The following ELMO1 variants were observed in gnomAD, a reference collection of about 807,000 sequenced individuals.
The protein encoded by ELMO1 is engulfment and cell motility protein 1.
Under a neutral mutation model 98.9 loss-of-function variants are expected in ELMO1, and 26 were observed. The ratio of observed to expected loss-of-function variants is 0.26; its 90% CI spans 0.19 to 0.36. The LOEUF (loss-of-function observed/expected upper bound fraction) is 0.36, where lower values mean the gene tolerates loss of function less well. ELMO1 is among the 10% of genes least tolerant of loss of function. ELMO1 has a pLI of 1.00. For missense variants in ELMO1, 627 were observed against 935.2 expected, an observed-to-expected ratio of 0.67 and a Z score of 4.30; for synonymous variants, 346 against 346.0, an observed-to-expected ratio of 1.00 and a Z score of 0.00.
At position 36,909,330 on chromosome 7, in the gene ELMO1, T is replaced by C. The variant is rs562342215; in HGVS notation, c.1438-14313A>G. Among the ~76,000 whole-genome samples, 90 of 152,186 alleles carry C rather than the reference T, an allele frequency of 5.9e-4. 1 individual carries two copies. Among genetic ancestry groups the C allele is most frequent in the African/African-American group, 2.1e-3 (88 of 41,534 alleles). Reference sequence around the variant, plus strand: ...CTGTTATTATTGTGATAAAGGAGTCTTGGAATTAGCATGGACATCTGACAG... The same window carrying C: ...CTGTTATTATTGTGATAAAGGAGTCCTGGAATTAGCATGGACATCTGACAG... On this transcript the variant is annotated intron_variant, in intron 16 of 21. Transcript: ENST00000310758.
At chr7:37,152,123 T>G (rs190717689) in intron 13 of ELMO1, among the ~76,000 whole-genome samples, 1 of 152,326 alleles carries the variant, frequency 6.6e-6, no homozygotes, top group African/African-American at 2.4e-5. Context: ...AGTCAAAAAC[T>G]ACTATGTTAA....
chr7:37,086,521 T>C (rs1379580041), intron 15 of ELMO1, among the ~76,000 whole-genome samples: 1 of 151,662 alleles, frequency 6.6e-6, no homozygotes, highest in Non-Finnish European at 1.5e-5. Flanking sequence ...GTCAGGCGGG[T>C]CACTTGAGGT....
intron 13 of ELMO1, among the ~76,000 whole-genome samples, chr7:37,156,419 C>A (rs7795097): frequency 0.085 from 12,886 of 151,976 alleles, 649 homozygotes; most frequent in South Asian, 0.2. Flanking sequence ...ATAGATGGAC[C>A]ACTAGCAAGA....
intron 5 of ELMO1, among the ~76,000 whole-genome samples, chr7:37,262,472 C>T (rs774038448): frequency 6.6e-6 from 1 of 152,186 alleles, no homozygotes; most frequent in Non-Finnish European, 1.5e-5. Context: ...AAAGTTCCTA[C>T]AGAACTATTC....
intron 9 of ELMO1, among the ~76,000 whole-genome samples, chr7:37,223,181 C>T (rs904972108): frequency 6.6e-6 from 1 of 152,018 alleles, no homozygotes; most frequent in Non-Finnish European, 1.5e-5. Context: ...ATTTCAATAA[C>T]AAAAAGAACA....
At chr7:37,045,958 G>A (rs752005823) in intron 15 of ELMO1, among the ~76,000 whole-genome samples, 4 of 152,130 alleles carry the variant, frequency 2.6e-5, no homozygotes, top group Non-Finnish European at 5.9e-5. Context: ...TGCAAATCCC[G>A]TGATTGCTCC....
intron 4 of ELMO1, among the ~76,000 whole-genome samples, chr7:37,307,502 A>G (rs1480185338): frequency 1.3e-5 from 2 of 152,170 alleles, no homozygotes; most frequent in Non-Finnish European, 2.9e-5. Context: ...TCCTTTATAA[A>G]TTACCCAGTC....
At chr7:37,046,817 A>AT (rs1474162999) in intron 15 of ELMO1, among the ~76,000 whole-genome samples, 2 of 152,120 alleles carry the variant, frequency 1.3e-5, no homozygotes, top group Admixed American at 1.3e-4. Flanking sequence ...TCACCTTCTG[A>AT]TTTTTTCTTA....
Position 37,123,791 on chromosome 7 carries a change from G to A in ELMO1, c.1191+9339C>T, listed in dbSNP as rs374119341. Among the ~76,000 whole-genome samples, 7 of 152,284 alleles carry A rather than the reference G, an allele frequency of 4.6e-5. No individual in the cohort carries two copies. The East Asian group carries it at 1.4e-3, about 29-fold the overall frequency. Reference sequence around the variant, plus strand: ...AATCCTCCCTATCTCATTTCATGAGGCCAGCATCATCCTGATACCAAAGCC... The same window carrying A: ...AATCCTCCCTATCTCATTTCATGAGACCAGCATCATCCTGATACCAAAGCC... On this transcript the variant is annotated intron_variant, in intron 14 of 21. Transcript: ENST00000310758.
chr7:37,328,732 T>C (rs2131183772), intron 2 of ELMO1, among the ~76,000 whole-genome samples: 1 of 152,330 alleles, frequency 6.6e-6, no homozygotes, highest in Middle Eastern at 3.4e-3. Context: ...GAACGTTTGA[T>C]ACCAACCAGG....
chr7:36,970,051 C>G (rs916333539), intron 16 of ELMO1, among the ~76,000 whole-genome samples: 1 of 151,942 alleles, frequency 6.6e-6, no homozygotes, highest in African/African-American at 2.4e-5. Flanking sequence ...AAATAAAACT[C>G]TTCTTCTGGA....
chr7:37,039,642 T>C (rs1367680903), intron 15 of ELMO1, among the ~76,000 whole-genome samples: 2 of 152,256 alleles, frequency 1.3e-5, no homozygotes, highest in Admixed American at 6.5e-5. Flanking sequence ...TGTTTCAGTC[T>C]GCACCTTCTC....
intron 14 of ELMO1, among the ~76,000 whole-genome samples, chr7:37,118,074 T>C (rs573247153): frequency 2.6e-5 from 4 of 152,350 alleles, no homozygotes; most frequent in African/African-American, 7.2e-5. Context: ...ATTTGCTTCA[T>C]AGTTAAGTTT....
Position 37,292,193 on chromosome 7 carries a change from G to A in ELMO1, c.193-20311C>T, listed in dbSNP as rs1320822693. Among the ~76,000 whole-genome samples, 5 of 115,376 alleles carry A rather than the reference G, an allele frequency of 4.3e-5. 1 individual carries two copies. Among genetic ancestry groups the A allele is most frequent in the East Asian group, 2.1e-4 (1 of 4,672 alleles). The allele number at this position is 115,376 out of a possible 152,430, so 75.7% of individuals were successfully genotyped here. A position where few individuals can be genotyped will look rare whatever the true frequency, so the allele number is the denominator to read the frequency against. On this transcript the variant is annotated intron_variant, in intron 4 of 21. Coordinates refer to ENST00000310758, the MANE Select transcript of ELMO1 (RefSeq NM_014800.11). ...TCCAGCTCCTAACCGCGAGTGATCC[G>A]CCAGCCTCGGCCTCCCGAGGTGCCG...
chr7:37,282,742 G>T (rs1403444778), intron 4 of ELMO1, among the ~76,000 whole-genome samples: 1 of 152,208 alleles, frequency 6.6e-6, no homozygotes, highest in South Asian at 2.1e-4. Flanking sequence ...TGCAGGGGCT[G>T]CTCACCATCA....
chr7:37,433,157 T>C (rs1015725624), intron 1 of ELMO1, among the ~76,000 whole-genome samples: 4 of 152,176 alleles, frequency 2.6e-5, no homozygotes, highest in African/African-American at 7.2e-5. Flanking sequence ...CATCCCTAAA[T>C]ACAATATCCC....
At position 37,342,638 on chromosome 7, in the gene ELMO1, T is replaced by C. The variant is rs1800778969; in HGVS notation, c.53A>G (p.Tyr18Cys). ...CTGATCAATTTCCATGAGTTTGGGGTAGGCGCCCGGCCATTCTATGGCCAC... is the reference window on the plus strand; with the variant it reads ...CTGATCAATTTCCATGAGTTTGGGGCAGGCGCCCGGCCATTCTATGGCCAC... ...VKVAIEWPGA[Y>C]PKLMEIDQKK... The change falls in exon 2 of 22, where the codon TAC becomes TGC. Residue 18 changes from tyrosine to cysteine, a missense_variant. Tyr to Cys is a radical substitution (Grantham distance 194, BLOSUM62 -2). This residue lies in a region of ELMO1 where 123 missense variants were observed against 171.2 expected (regional missense o/e 0.72). Transcript: ENST00000310758. This position sits in a 1 kb window ranked among gnomAD's most constrained non-coding sequence, Gnocchi z 4.3. 6.2e-7 allele frequency: 1 copy of C among 1,613,330 alleles called. No homozygotes were observed. Among genetic ancestry groups the C allele is most frequent in the Non-Finnish European group, 8.5e-7 (1 of 1,179,820 alleles).
intron 13 of ELMO1, among the ~76,000 whole-genome samples, chr7:37,137,186 T>C (rs1787320647): frequency 6.6e-6 from 1 of 152,156 alleles, no homozygotes; most frequent in African/African-American, 2.4e-5. Flanking sequence ...AAGGACATTA[T>C]ATAATGGTAA....
chr7:36,923,266 T>C (rs1031003607), intron 16 of ELMO1, among the ~76,000 whole-genome samples: 6 of 152,190 alleles, frequency 3.9e-5, no homozygotes, highest in African/African-American at 1.4e-4. Flanking sequence ...AACTAATGGG[T>C]TTGTTAGCAT....
Sources: allele counts gnomAD v4.1 joint callset (sites outside exome capture counted in the v4.1 genomes callset), GRCh38; gene constraint gnomAD v4.1.1; regional missense constraint gnomAD v4.1.1; non-coding constraint Gnocchi (gnomAD v3.1); transcripts MANE v1.5; gene names NCBI Gene and HGNC (gene_info 2026-07-23, HGNC 2026-07-21).